The following SASH1 variants were observed in gnomAD, a reference collection of about 807,000 sequenced individuals.
The protein encoded by SASH1 is SAM and SH3 domain containing 1.
SASH1 carries 44 observed loss-of-function variants against 125.2 expected under a neutral mutation model. The ratio of observed to expected loss-of-function variants is 0.35; its 90% CI spans 0.28 to 0.45. The LOEUF (loss-of-function observed/expected upper bound fraction) is 0.45, where lower values mean the gene tolerates loss of function less well. Among genes scored for constraint, SASH1 ranks in the 20% least tolerant of loss-of-function variants. The probability of loss-of-function intolerance (pLI) is 1.00; values close to 1 mark genes in which losing one functional copy is unlikely to be tolerated. For missense variants in SASH1, 1,426 were observed against 1,614.5 expected, an observed-to-expected ratio of 0.88 and a Z score of 2.00; for synonymous variants, 639 against 649.1, an observed-to-expected ratio of 0.98 and a Z score of 0.24.
intron 10 of SASH1, 137 bp downstream of exon 10, chr6:148,520,030 C>A: frequency 1.6e-6 from 1 of 644,308 alleles, no homozygotes; most frequent in Non-Finnish European, 2.6e-6. Flanking sequence ...TGTTCCAGAG[C>A]TTTTCTCTGC....
chr6:148,360,625 A>G (rs1782154396), intron 1 of SASH1, among the ~76,000 whole-genome samples: 2 of 115,004 alleles, frequency 1.7e-5, no homozygotes, highest in South Asian at 7.4e-4. Flanking sequence ...TTGGGATTAC[A>G]GGCGTGAGCC....
intron 17 of SASH1, among the ~76,000 whole-genome samples, chr6:148,542,217 CA>C (rs1399357881): frequency 6.6e-6 from 1 of 151,790 alleles, no homozygotes; most frequent in Admixed American, 6.6e-5. Context: ...ATGCAGAATG[CA>C]AAAATGGAAC....
chr6:148,320,001 C>T (rs1287799004), intron 1 of SASH1, among the ~76,000 whole-genome samples: 3 of 152,096 alleles, frequency 2.0e-5, no homozygotes, highest in African/African-American at 4.8e-5. Context: ...TGAAGTCACC[C>T]TTATTTTGCC....
intron 1 of SASH1, among the ~76,000 whole-genome samples, chr6:148,347,909 C>T (rs926017547): frequency 6.6e-6 from 1 of 152,216 alleles, no homozygotes; most frequent in African/African-American, 2.4e-5. Context: ...AAAAGACTTA[C>T]TCAGGGTAAC....
chr6:148,362,217 G>A (rs369671246), intron 1 of SASH1, among the ~76,000 whole-genome samples: 130 of 148,346 alleles, frequency 8.8e-4, no homozygotes, highest in East Asian at 3.4e-3. Flanking sequence ...GTGAGCCACC[G>A]TGCCTGGCCT....
the SASH1 span, among the ~76,000 whole-genome samples, chr6:148,206,056 C>T: frequency 2.0e-5 from 3 of 152,088 alleles, no homozygotes; most frequent in Non-Finnish European, 4.4e-5. Context: ...TAGAAAGTTG[C>T]ACTTTACAAA....
intron 1 of SASH1, among the ~76,000 whole-genome samples, chr6:148,281,485 G>A (rs1369380481): frequency 1.3e-5 from 2 of 152,120 alleles, no homozygotes; most frequent in East Asian, 3.9e-4. Flanking sequence ...AGACAGGGAG[G>A]GCTCCAGGAG....
At chr6:148,351,265 A>G (rs149775535) in intron 1 of SASH1, among the ~76,000 whole-genome samples, 93 of 130,928 alleles carry the variant, frequency 7.1e-4, no homozygotes, top group Middle Eastern at 5.2e-3. Context: ...ATGGAAATAT[A>G]TTTGTATTTA....
chr6:148,421,215 A>G (rs537345707), intron 2 of SASH1, among the ~76,000 whole-genome samples: 1,732 of 125,558 alleles, frequency 0.014, 28 homozygotes, highest in Non-Finnish European at 0.021. Context: ...GAAAGAAAGA[A>G]AAAGAAAGAA....
At chr6:148,368,770 G>GCGCACACACACACACA (rs1554245330) in intron 1 of SASH1, among the ~76,000 whole-genome samples, 2,469 of 135,718 alleles carry the variant, frequency 0.018, 27 homozygotes, top group Middle Eastern at 0.045. Context: ...GCACGCGCGC[G>GCGCACACACACACACA]CACACACACA....
chr6:148,425,442 T>C (rs969587209), intron 2 of SASH1, among the ~76,000 whole-genome samples: 2 of 152,164 alleles, frequency 1.3e-5, no homozygotes, highest in Admixed American at 6.5e-5. Context: ...TTTTACCTCT[T>C]AGTTTGAGTA....
chr6:148,199,329 T>G, the SASH1 span, among the ~76,000 whole-genome samples: 1 of 150,326 alleles, frequency 6.7e-6, no homozygotes, highest in Non-Finnish European at 1.5e-5. Flanking sequence ...GTTGAAATCT[T>G]GCCATTGCAC....
chr6:148,548,647 G>C lies in SASH1; in HGVS notation c.*89G>C. The C allele has an allele frequency of 7.0e-7, 1 of 1,430,920 alleles. No homozygotes were observed. The highest frequency in any genetic ancestry group is 9.4e-7 in the Non-Finnish European group (1 of 1,064,898). The allele number at this position is 1,430,920 out of a possible 1,614,324, so 88.6% of individuals were successfully genotyped here. A position where few individuals can be genotyped will look rare whatever the true frequency, so the allele number is the denominator to read the frequency against. On this transcript the variant is annotated 3_prime_UTR_variant, in exon 20 of 20. Transcript: ENST00000367467. Reference sequence around the variant, plus strand: ...CAATTCCTCCATCATCTCTGGACGTGCAGACCAGATCCAGAAGAAAGGCCT... The same window carrying C: ...CAATTCCTCCATCATCTCTGGACGTCCAGACCAGATCCAGAAGAAAGGCCT...
At chr6:148,359,325 G>GGTTT (rs1554242604) in intron 1 of SASH1, among the ~76,000 whole-genome samples, 2 of 138,540 alleles carry the variant, frequency 1.4e-5, no homozygotes, top group Non-Finnish European at 3.1e-5. Flanking sequence ...TGCTTGGCCG[G>GGTTT]TTTTTTTTTT....
intron 16 of SASH1, among the ~76,000 whole-genome samples, chr6:148,539,995 C>T (rs1475386459): frequency 6.6e-6 from 1 of 152,156 alleles, no homozygotes; most frequent in Non-Finnish European, 1.5e-5. Flanking sequence ...GGCAACATAA[C>T]TGTCTTCAAG....
Position 148,544,589 on chromosome 6 carries a change from C to T in SASH1, c.3119C>T (p.Ala1040Val), listed in dbSNP as rs553569772. ...CCTAGCGACTGTCCCCCAGCACTGGCTCCCAGGCCTCTCTCAGGGCAGGCG... is the reference window on the plus strand; with the variant it reads ...CCTAGCGACTGTCCCCCAGCACTGGTTCCCAGGCCTCTCTCAGGGCAGGCG... ...TSPSDCPPALAPRPLSGQAPG... is the reference protein window; with the variant it reads ...TSPSDCPPALVPRPLSGQAPG... Residue 1040 changes from alanine (A) to valine (V), a missense_variant, in exon 18 of 20, where the codon GCT (alanine) becomes GTT (valine). Around this residue, in one of 3 missense-constraint regions of SASH1, gnomAD observed 634 missense variants for 694.4 expected, o/e 0.91. Coordinates refer to ENST00000367467, the MANE Select transcript of SASH1 (RefSeq NM_015278.5). The surrounding 1 kb of genome is among the most constrained non-coding windows in gnomAD (Gnocchi z 6.4). 1.2e-6 allele frequency: 2 copies of T among 1,613,264 alleles called. No individual in the cohort carries two copies. Among genetic ancestry groups the T allele is most frequent in the South Asian group, 2.2e-5 (2 of 91,060 alleles).
the SASH1 span, among the ~76,000 whole-genome samples, chr6:148,229,242 A>G: frequency 6.6e-6 from 1 of 151,554 alleles, no homozygotes; most frequent in African/African-American, 2.4e-5. Flanking sequence ...GATTTTTTTC[A>G]AGAAATTTCT....
At chr6:148,356,444 TACC>T (rs1781938550) in intron 1 of SASH1, among the ~76,000 whole-genome samples, 2 of 150,840 alleles carry the variant, frequency 1.3e-5, no homozygotes, top group Non-Finnish European at 2.9e-5. Context: ...TCTGGGTAGA[TACC>T]CCCAGGAGTG....
the SASH1 span, among the ~76,000 whole-genome samples, chr6:148,235,481 T>C: frequency 6.6e-6 from 1 of 152,222 alleles, no homozygotes; most frequent in African/African-American, 2.4e-5. Context: ...CCACAGTATA[T>C]GTTAAATTGA....
Sources: gnomAD v4.1 joint callset for allele counts (sites outside exome capture counted in the v4.1 genomes callset) on GRCh38, gnomAD v4.1.1 for gene constraint, gnomAD v4.1.1 regional missense constraint, Gnocchi (gnomAD v3.1) non-coding constraint, MANE v1.5 for transcripts, NCBI Gene and HGNC (gene_info 2026-07-23, HGNC 2026-07-21) for gene names.